The following EBF2 variants were observed in gnomAD, a reference collection of about 807,000 sequenced individuals.
EBF2 encodes EBF transcription factor 2, also known as transcription factor COE2.
EBF2 carries 21 observed loss-of-function variants against 72.8 expected under a neutral mutation model. The ratio of observed to expected loss-of-function variants is 0.29; its 90% CI spans 0.20 to 0.42. EBF2 has a LOEUF of 0.42. EBF2 is among the 10% of genes least tolerant of loss of function. EBF2 has a pLI of 1.00. For synonymous variants in EBF2, 299 were observed against 274.2 expected, an observed-to-expected ratio of 1.09 and a Z score of -0.89; for missense variants, 637 against 731.2, an observed-to-expected ratio of 0.87 and a Z score of 1.49.
Position 25,861,105 on chromosome 8 carries a change from G to T in EBF2, c.1286C>A (p.Ser429Tyr). The change falls in exon 13 of 16, where the codon TCC (serine) becomes TAC (tyrosine). Residue 429 changes from serine to tyrosine, a missense_variant. Ser to Tyr is a moderately radical substitution (Grantham distance 144). Coordinates refer to ENST00000520164, the MANE Select transcript of EBF2 (RefSeq NM_022659.4). ...GCTGACCCCAAGCTGGCTGCCATAG[G>T]AGTTGATTCCCATCATGCCACTGTG... ...PAHSGMMGIN[S>Y]YGSQLGVSIS... is the part of the protein sequence containing the mutation. 6.2e-7 allele frequency: 1 copy of T among 1,614,168 alleles called. No homozygotes were observed. Among genetic ancestry groups the T allele is most frequent in the South Asian group, 1.1e-5 (1 of 91,078 alleles).
chr8:25,988,967 T>A (rs1006748110), intron 6 of EBF2, among the ~76,000 whole-genome samples: 1 of 152,252 alleles, frequency 6.6e-6, no homozygotes, highest in Non-Finnish European at 1.5e-5. Context: ...TATCATCCTA[T>A]CATATTTAAT....
In EBF2 at chr8:25,885,540, C is replaced by A. The variant is rs569897409; in HGVS notation, c.1009+1215G>T. Reference sequence around the variant, plus strand: ...ATGCTGATATGGTTTGGCTGTGTCCCCACCCAAATCTCATCTTGAATTGTA... The same window carrying A: ...ATGCTGATATGGTTTGGCTGTGTCCACACCCAAATCTCATCTTGAATTGTA... On this transcript the variant is annotated intron_variant, in intron 10 of 15. Coordinates refer to ENST00000520164, the MANE Select transcript of EBF2 (RefSeq NM_022659.4). 3.3e-5 allele frequency among the ~76,000 whole-genome samples: 5 copies of A among 152,104 alleles called. No homozygotes were observed. In the South Asian group the frequency reaches 8.3e-4, roughly 25 times the overall value.
intron 6 of EBF2, among the ~76,000 whole-genome samples, chr8:25,909,914 A>AT (rs903792750): frequency 6.6e-6 from 1 of 151,724 alleles, no homozygotes; most frequent in African/African-American, 2.4e-5. Flanking sequence ...ACAGCTAAAT[A>AT]TTTTTTTCAT....
Position 25,858,501 on chromosome 8 carries a change from T to C in EBF2, c.1346A>G (p.Tyr449Cys). 6.2e-7 allele frequency: 1 copy of C among 1,613,188 alleles called. No homozygotes were observed. The highest frequency in any genetic ancestry group is 2.2e-5 in the East Asian group (1 of 44,878). The part of the protein sequence containing the change: ...SESTQGNNQG[Y>C]IRNTSSISPR... ...AGAGATGCTGCTTGTGTTGCGGATG[T>C]ACCCTTGGCAACAAAGAAAAAGCCC... Residue 449 changes from tyrosine to cysteine, a missense_variant, in exon 14 of 16, where the codon TAC (tyrosine) becomes TGC (cysteine). Transcript: ENST00000520164.
At chr8:25,946,335 T>C (rs1423470069) in intron 6 of EBF2, among the ~76,000 whole-genome samples, 4 of 152,180 alleles carry the variant, frequency 2.6e-5, no homozygotes, top group Non-Finnish European at 5.9e-5. Flanking sequence ...TATACCTTCT[T>C]CATAACGGTA....
At chr8:26,025,656 T>C (rs1805291990) in intron 6 of EBF2, among the ~76,000 whole-genome samples, 1 of 152,144 alleles carries the variant, frequency 6.6e-6, no homozygotes, top group Non-Finnish European at 1.5e-5. Context: ...GGCTCCAGTG[T>C]CCTCCAATGA....
At position 26,041,150 on chromosome 8, in the gene EBF2, A is replaced by T. The variant is rs552279853; in HGVS notation, c.289-148T>A. 4.0e-5 allele frequency: 35 copies of T among 866,812 alleles called. No homozygotes were observed. In the African/African-American group the frequency reaches 4.8e-4, roughly 12 times the overall value. 53.7% of individuals were successfully genotyped at this position (866,812 alleles called of 1,614,324 possible). ...CCTGTTCAGCCCTAGGTCAAAGGGCATGAGCATCTGCCTGTCCTTGGCCGC... is the reference window on the plus strand; with the variant it reads ...CCTGTTCAGCCCTAGGTCAAAGGGCTTGAGCATCTGCCTGTCCTTGGCCGC... On this transcript the variant is annotated intron_variant, in intron 2 of 15. Coordinates refer to ENST00000520164, the MANE Select transcript of EBF2 (RefSeq NM_022659.4).
At chr8:26,014,460 G>A (rs1457008786) in intron 6 of EBF2, among the ~76,000 whole-genome samples, 1 of 152,184 alleles carries the variant, frequency 6.6e-6, no homozygotes. Context: ...TCAAAGTTAA[G>A]TTTAAATACA....
chr8:25,937,895 C>T (rs1448826239), intron 6 of EBF2, among the ~76,000 whole-genome samples: 2 of 152,106 alleles, frequency 1.3e-5, no homozygotes, highest in Non-Finnish European at 2.9e-5. Context: ...CTTCAAATAG[C>T]TGAGGGCTCC....
intron 10 of EBF2, among the ~76,000 whole-genome samples, chr8:25,884,892 A>C (rs545468113): frequency 6.6e-6 from 1 of 152,294 alleles, no homozygotes; most frequent in South Asian, 2.1e-4. Flanking sequence ...AGACATTGAC[A>C]CTTTAACAAG....
intron 7 of EBF2, among the ~76,000 whole-genome samples, chr8:25,896,643 G>C (rs910392480): frequency 1.3e-5 from 2 of 152,156 alleles, no homozygotes; most frequent in Non-Finnish European, 2.9e-5. Flanking sequence ...TGTGGAAGGA[G>C]GAAAGGGACA....
intron 6 of EBF2, among the ~76,000 whole-genome samples, chr8:25,945,032 G>A (rs1353908460): frequency 6.6e-6 from 1 of 151,958 alleles, no homozygotes; most frequent in East Asian, 1.9e-4. Flanking sequence ...CAAAGGGTTT[G>A]ATGCCTGCTC....
intron 13 of EBF2, 147 bp from the exon 14 acceptor site, chr8:25,858,651 CTTTTTTT>C (rs34189731): frequency 4.1e-4 from 56 of 136,522 alleles, no homozygotes; most frequent in South Asian, 1.0e-3. Flanking sequence ...CCATCTTTAG[CTTTTTTT>C]TTTTTTTTTT....
chr8:26,000,295 C>A (rs1210735699), intron 6 of EBF2, among the ~76,000 whole-genome samples: 2 of 152,124 alleles, frequency 1.3e-5, no homozygotes, highest in Non-Finnish European at 2.9e-5. Context: ...CAAATGCTAG[C>A]TACACCATCA....
At chr8:25,974,864 G>A (rs1804243693) in intron 6 of EBF2, among the ~76,000 whole-genome samples, 1 of 151,992 alleles carries the variant, frequency 6.6e-6, no homozygotes, top group South Asian at 2.1e-4. Context: ...GCACTTTGAG[G>A]GCCATCAGGG....
At chr8:26,027,478 A>C (rs1322564643) in intron 6 of EBF2, among the ~76,000 whole-genome samples, 2 of 152,226 alleles carry the variant, frequency 1.3e-5, no homozygotes, top group Non-Finnish European at 2.9e-5. Flanking sequence ...TATCAAAAAA[A>C]TAAAATAAAA....
chr8:25,844,823 C>A (rs950422208), intron 15 of EBF2, among the ~76,000 whole-genome samples, 183 bp from the exon 16 acceptor site: 2 of 152,182 alleles, frequency 1.3e-5, no homozygotes, highest in Non-Finnish European at 2.9e-5. Flanking sequence ...ATTAAAGGCA[C>A]TGAAGCCTTA....
intron 6 of EBF2, among the ~76,000 whole-genome samples, chr8:25,932,673 T>A (rs1803504335): frequency 6.6e-6 from 1 of 152,048 alleles, no homozygotes; most frequent in South Asian, 2.1e-4. Context: ...TCCCCCGTAA[T>A]TACAGGAGAA....
chr8:25,858,465 T>C lies in EBF2; in HGVS notation c.1382A>G (p.Tyr461Cys). 1.9e-6 allele frequency: 3 copies of C among 1,613,650 alleles called. No homozygotes were observed. The highest frequency in any genetic ancestry group is 2.5e-6 in the Non-Finnish European group (3 of 1,179,924). The change falls in exon 14 of 16, where the codon TAC becomes TGC. Residue 461 changes from tyrosine to cysteine, a missense_variant. Coordinates refer to ENST00000520164, the MANE Select transcript of EBF2 (RefSeq NM_022659.4). ...RNTSSISPRG[Y>C]SSSSTPQQSN... ...CTGTTGAGGCGTGGAGCTGGAAGAG[T>C]ATCCCCGCGGAGAGATGCTGCTTGT...
Sources: allele counts gnomAD v4.1 joint callset (sites outside exome capture counted in the v4.1 genomes callset), GRCh38; gene constraint gnomAD v4.1.1; transcripts MANE v1.5; gene names NCBI Gene and HGNC (gene_info 2026-07-23, HGNC 2026-07-21).